LZTFL1: variants seen among roughly 807,000 people sequenced by gnomAD.
LZTFL1 encodes leucine zipper transcription factor like 1, also known as leucine zipper transcription factor-like protein 1.
In LZTFL1, 25 loss-of-function variants were observed where a neutral mutation model predicts 45.9. The observed-to-expected ratio is 0.54, with a 90% confidence interval of 0.40 to 0.76. The LOEUF is 0.76. Ranked by LOEUF, LZTFL1 falls within the 30% of genes least tolerant of loss-of-function variation. LZTFL1 has a pLI of 0.00. For synonymous variants in LZTFL1, 93 were observed against 117.4 expected (o/e 0.79, Z 1.35); for missense variants, 277 against 331.1 (o/e 0.84, Z 1.27).
intron 2 of LZTFL1, among the ~76,000 whole-genome samples, chr3:45,872,360 A>G (rs1701683776): frequency 6.6e-6 from 1 of 152,162 alleles, no homozygotes; most frequent in Non-Finnish European, 1.5e-5. Flanking sequence ...GTTTTAAAAG[A>G]TTGGCAAGGG....
chr3:45,863,042 T>A (rs1190947239), intron 2 of LZTFL1, among the ~76,000 whole-genome samples: 1 of 152,216 alleles, frequency 6.6e-6, no homozygotes, highest in East Asian at 1.9e-4. Context: ...GACCCAAGAA[T>A]AATTCAATAA....
At position 45,835,666 on chromosome 3, in the gene LZTFL1, G is replaced by GT. The variant is rs1700946659; in HGVS notation, c.246dup (p.Leu83ThrfsTer10). 3.7e-6 allele frequency: 6 copies of GT among 1,614,060 alleles called. No individual in the cohort carries two copies. Among genetic ancestry groups the GT allele is most frequent in the Non-Finnish European group, 5.1e-6 (6 of 1,180,004 alleles). ...GCTTGTGCAAACAGCTGTCGCAGAA[G>GT]TAACACATTGGTATAGGCAGTGTTG... On this transcript the variant is annotated frameshift_variant, in exon 3 of 10. Transcript: ENST00000296135. LOFTEE classifies it high-confidence loss of function.
intron 2 of LZTFL1, among the ~76,000 whole-genome samples, chr3:45,869,080 G>A (rs893769017): frequency 6.6e-6 from 1 of 152,218 alleles, no homozygotes; most frequent in African/African-American, 2.4e-5. Context: ...TGTCCCTCAG[G>A]CTAGCAGGTC....
intron 2 of LZTFL1, among the ~76,000 whole-genome samples, chr3:45,892,616 A>G (rs985823572): frequency 8.5e-5 from 13 of 152,170 alleles, no homozygotes; most frequent in Non-Finnish European, 1.2e-4. Context: ...GTCAGGTACT[A>G]TGCTTATTAA....
At chr3:45,828,753 A>C (rs1202713764) in intron 7 of LZTFL1, 138 bp from the exon 8 acceptor site, 1 of 738,270 alleles carries the variant, frequency 1.4e-6, no homozygotes, top group African/African-American at 1.8e-5. Context: ...TTGCCAGCCT[A>C]GGTAAGTGCC....
At chr3:45,890,352 T>TA (rs1702137743) in intron 2 of LZTFL1, among the ~76,000 whole-genome samples, 1 of 16,186 alleles carries the variant, frequency 6.2e-5, no homozygotes, top group Non-Finnish European at 1.3e-4. Context: ...ATATATAACA[T>TA]ATATATATAT....
At chr3:45,874,077 T>A (rs1164181935) in intron 2 of LZTFL1, among the ~76,000 whole-genome samples, 2 of 152,244 alleles carry the variant, frequency 1.3e-5, no homozygotes, top group Non-Finnish European at 2.9e-5. Context: ...ATGTCAAAGA[T>A]GTTTCTGCCT....
chr3:45,871,258 G>A (rs1374307270), intron 2 of LZTFL1, among the ~76,000 whole-genome samples: 3 of 152,166 alleles, frequency 2.0e-5, no homozygotes, highest in Non-Finnish European at 4.4e-5. Context: ...TGCAAACTTT[G>A]TATCTTAGCA....
intron 1 of LZTFL1, among the ~76,000 whole-genome samples, chr3:45,914,457 A>G (rs944730866): frequency 3.3e-5 from 5 of 151,990 alleles, no homozygotes; most frequent in Non-Finnish European, 7.4e-5. Context: ...TTTTTTTGGT[A>G]GAGACGGGGT....
chr3:45,861,975 G>C (rs1322119064), intron 2 of LZTFL1, among the ~76,000 whole-genome samples: 2 of 152,090 alleles, frequency 1.3e-5, no homozygotes, highest in East Asian at 3.8e-4. Flanking sequence ...TTCCCCACCT[G>C]GTGGTCATTA....
At chr3:45,882,797 CTATTATTATTATTATTATTAT>C (rs10575190) in intron 2 of LZTFL1, among the ~76,000 whole-genome samples, 41 of 145,456 alleles carry the variant, frequency 2.8e-4, no homozygotes, top group African/African-American at 6.0e-4. Context: ...AAAGGGGATA[CTATTATTATTATTATTATTAT>C]TATTATTATT....
At chr3:45,890,314 TA>T (rs1702125663) in intron 2 of LZTFL1, among the ~76,000 whole-genome samples, 1 of 61,888 alleles carries the variant, frequency 1.6e-5, no homozygotes, top group African/African-American at 8.8e-5. Context: ...CATATATATA[TA>T]TTTATATAAA....
chr3:45,906,845 T>C (rs139890613), intron 2 of LZTFL1, among the ~76,000 whole-genome samples: 1 of 152,356 alleles, frequency 6.6e-6, no homozygotes, highest in East Asian at 1.9e-4. Context: ...GAATTCCTGC[T>C]GTTGGCTTTC....
At chr3:45,868,957 C>T (rs564419597) in intron 2 of LZTFL1, among the ~76,000 whole-genome samples, 1 of 152,326 alleles carries the variant, frequency 6.6e-6, no homozygotes, top group Non-Finnish European at 1.5e-5. Context: ...GGCCCCACCC[C>T]AGACCTACTG....
rs1393390886 is a variant in LZTFL1 at position 45,874,091 on chromosome 3, T to C, written c.-214-15075A>G. On this transcript the variant is annotated intron_variant, in intron 2 of 4. Transcript: ENST00000472635. ...CATGTCAAAGATGTTTCTGCCTGTT[T>C]CACCATCTCCACTTCCTTTCTTGCT... 2.0e-5 allele frequency among the ~76,000 whole-genome samples: 3 copies of C among 152,262 alleles called. No homozygotes were observed. The East Asian group carries it at 5.8e-4, about 29-fold the overall frequency.
intron 2 of LZTFL1, among the ~76,000 whole-genome samples, chr3:45,861,923 T>C (rs947105110): frequency 4.6e-5 from 7 of 152,184 alleles, no homozygotes; most frequent in African/African-American, 1.4e-4. Flanking sequence ...AAAAAAGCCA[T>C]GTGGCTTGCC....
chr3:45,866,046 A>G (rs1490059323), intron 2 of LZTFL1, among the ~76,000 whole-genome samples: 2 of 152,246 alleles, frequency 1.3e-5, no homozygotes, highest in Non-Finnish European at 2.9e-5. Flanking sequence ...AGTATTTGCT[A>G]TGTATTACAA....
intron 2 of LZTFL1, among the ~76,000 whole-genome samples, chr3:45,869,667 G>T (rs1160528095): frequency 2.0e-5 from 3 of 152,192 alleles, no homozygotes; most frequent in African/African-American, 2.4e-5. Flanking sequence ...TGTGGGTAAT[G>T]CCTGGAGATG....
At chr3:45,830,283 A>C (rs1700779863) in intron 7 of LZTFL1, among the ~76,000 whole-genome samples, 1 of 152,258 alleles carries the variant, frequency 6.6e-6, no homozygotes, top group Non-Finnish European at 1.5e-5. Flanking sequence ...TGCAGCATGC[A>C]CACTCAACAG....
Sources: gnomAD v4.1 joint callset for allele counts (sites outside exome capture counted in the v4.1 genomes callset) on GRCh38, gnomAD v4.1.1 for gene constraint, MANE v1.5 for transcripts, NCBI Gene and HGNC (gene_info 2026-07-23, HGNC 2026-07-21) for gene names.